CA6: variants seen among roughly 807,000 people sequenced by gnomAD.
CA6 encodes carbonic anhydrase 6, also known as carbonate dehydratase VI.
Under a neutral mutation model 35.9 loss-of-function variants are expected in CA6, and 28 were observed. That is an observed-to-expected ratio of 0.78 (90% CI 0.58 to 1.07). CA6 has a LOEUF of 1.07. CA6 is among the 50% of genes least tolerant of loss of function. CA6 has a pLI of 0.00. For missense variants in CA6, 377 were observed against 382.0 expected (o/e 0.99, Z 0.11); for synonymous variants, 148 against 152.6 (o/e 0.97, Z 0.22).
chr1:8,949,622 TC>T (rs1639471639), intron 2 of CA6, among the ~76,000 whole-genome samples, 180 bp downstream of exon 2: 2 of 152,020 alleles, frequency 1.3e-5, no homozygotes, highest in East Asian at 3.9e-4. Flanking sequence ...TAGTGGCTCT[TC>T]CAGAGAGGGC....
In CA6 at chr1:8,948,762, G is replaced by C. The variant is rs554333064; in HGVS notation, c.80-501G>C. Among the ~76,000 whole-genome samples the C allele has an allele frequency of 3.3e-5, 5 of 152,226 alleles. No homozygotes were observed. The East Asian group carries it at 9.6e-4, about 29-fold the overall frequency. Reference sequence around the variant, plus strand: ...AGGTGGGTGGATCACCTGAGGTCAGGAGTTAGAGATCAGCCTGGCCAACAT... The same window carrying C: ...AGGTGGGTGGATCACCTGAGGTCAGCAGTTAGAGATCAGCCTGGCCAACAT... On this transcript the variant is annotated intron_variant, in intron 1 of 7. Coordinates refer to ENST00000377443, the MANE Select transcript of CA6 (RefSeq NM_001215.4).
chr1:8,974,529 C>T (rs369632657), intron 7 of CA6, 93 bp from the exon 8 acceptor site: 42 of 1,415,638 alleles, frequency 3.0e-5, no homozygotes, highest in Non-Finnish European at 4.1e-5. Flanking sequence ...CCCAAAAATA[C>T]GATGCGGGTA....
rs370385325 is a variant in CA6, at chr1:8,956,091, C to A, written c.260-1046C>A. On this transcript the variant is annotated intron_variant, in intron 2 of 7. Transcript: ENST00000377443. ...TACAAAAATTAGCCGGGCATGGTGGCATATGCCTGTAATCCCAGCTACTGG... is the reference window on the plus strand; with the variant it reads ...TACAAAAATTAGCCGGGCATGGTGGAATATGCCTGTAATCCCAGCTACTGG... Among the ~76,000 whole-genome samples, 56 of 152,116 alleles carry A rather than the reference C, an allele frequency of 3.7e-4. No homozygotes were observed. In the East Asian group the frequency reaches 8.4e-3, roughly 23 times the overall value.
At chr1:8,970,656 A>C (rs1640085216) in intron 6 of CA6, among the ~76,000 whole-genome samples, 3 of 151,946 alleles carry the variant, frequency 2.0e-5, no homozygotes, top group Admixed American at 2.0e-4. Flanking sequence ...TTACAGGTGC[A>C]CACAACCATG....
At position 8,957,173 on chromosome 1, in the gene CA6, T is replaced by G. The variant is rs1248874081; in HGVS notation, c.296T>G (p.Val99Gly). Residue 99 changes from valine to glycine, a missense_variant, in exon 3 of 8, where the codon GTG becomes GGG. Transcript: ENST00000377443. ...CTGCCCTCCACCATGCGCATGACAG[T>G]GGCTGACGGCACTGTATACATAGCC... ...ISLPSTMRMT[V>G]ADGTVYIAQQ... is the part of the protein sequence containing the mutation. 1 of 1,613,484 alleles carries G rather than the reference T, an allele frequency of 6.2e-7. No individual in the cohort carries two copies. Among genetic ancestry groups the G allele is most frequent in the Non-Finnish European group, 8.5e-7 (1 of 1,179,712 alleles).
chr1:8,965,511 T>C (rs1639946028), intron 5 of CA6, among the ~76,000 whole-genome samples: 1 of 152,192 alleles, frequency 6.6e-6, no homozygotes, highest in South Asian at 2.1e-4. Context: ...TTGTCTTTTT[T>C]TTTGGTCTGG....
chr1:8,973,222 G>C (rs1459146859), intron 7 of CA6, among the ~76,000 whole-genome samples: 1 of 152,276 alleles, frequency 6.6e-6, no homozygotes, highest in South Asian at 2.1e-4. Context: ...ATTTCACCAT[G>C]TTGGTTAGGC....
intron 5 of CA6, 118 bp from the exon 6 acceptor site, chr1:8,967,541 G>T: frequency 2.6e-6 from 2 of 754,954 alleles, no homozygotes; most frequent in Non-Finnish European, 4.4e-6. Context: ...TTAATCATCA[G>T]CTTCTATGTT....
intron 2 of CA6, chr1:8,951,331 G>A: frequency 1.6e-6 from 1 of 636,334 alleles, no homozygotes; most frequent in Non-Finnish European, 2.8e-6. Flanking sequence ...TATGTGGCCA[G>A]GAGCCCTGAA....
chr1:8,953,308 G>A (rs1639588723), intron 2 of CA6, among the ~76,000 whole-genome samples: 1 of 152,110 alleles, frequency 6.6e-6, no homozygotes, highest in Non-Finnish European at 1.5e-5. Flanking sequence ...AGTTTTGGCA[G>A]TTATGAATAA....
chr1:8,971,350 C>T (rs1640105956), intron 7 of CA6, among the ~76,000 whole-genome samples: 2 of 146,150 alleles, frequency 1.4e-5, no homozygotes, highest in Non-Finnish European at 3.0e-5. Context: ...CTCACTCTGT[C>T]ACCCAGGCTG....
rs1477279363 is a variant in CA6, at chr1:8,973,773, T to TTTC, written c.845-846_845-844dup. Among the ~76,000 whole-genome samples the TTTC allele has an allele frequency of 9.8e-3, 374 of 38,224 alleles. 8 individuals carry two copies. Among genetic ancestry groups the TTTC allele is most frequent in the African/African-American group, 0.051 (358 of 7,012 alleles). The allele number at this position is 38,224 out of a possible 152,430, so 25.1% of individuals were successfully genotyped here. A position where few individuals can be genotyped will look rare whatever the true frequency, so the allele number is the denominator to read the frequency against. ...CTTTCTTTCTTTCTTTCTTTCTTTC[T>TTTC]TTCTTTCTTTCTTTTCCCTCCCTCC... is the stretch of plus-strand genomic sequence containing the variant. On this transcript the variant is annotated intron_variant, in intron 7 of 7. Coordinates refer to ENST00000377443, the MANE Select transcript of CA6 (RefSeq NM_001215.4).
At chr1:8,962,252 A>AAC (rs201533153) in intron 4 of CA6, among the ~76,000 whole-genome samples, 3 of 147,882 alleles carry the variant, frequency 2.0e-5, no homozygotes, top group Admixed American at 6.7e-5. Flanking sequence ...AAAAAAAAAA[A>AAC]CTCACAAACA....
intron 7 of CA6, chr1:8,974,230 G>A (rs903220489): frequency 4.7e-6 from 3 of 633,102 alleles, no homozygotes; most frequent in Non-Finnish European, 7.9e-6. Flanking sequence ...GGGTTGATAT[G>A]ATTAACCCAC....
chr1:8,970,161 G>T (rs796946991), intron 6 of CA6, among the ~76,000 whole-genome samples: 4 of 144,428 alleles, frequency 2.8e-5, no homozygotes, highest in African/African-American at 1.0e-4. Flanking sequence ...AGCCGCAATC[G>T]CGTCACTGCA....
At chr1:8,956,054 C>T (rs556637045) in intron 2 of CA6, among the ~76,000 whole-genome samples, 154 of 149,332 alleles carry the variant, frequency 1.0e-3, no homozygotes, top group African/African-American at 3.8e-3. Context: ...GAAACCCTGT[C>T]TCTACTAAAA....
At chr1:8,967,012 G>T (rs757696576) in intron 5 of CA6, among the ~76,000 whole-genome samples, 1 of 151,960 alleles carries the variant, frequency 6.6e-6, no homozygotes, top group Non-Finnish European at 1.5e-5. Context: ...TTGTAGAGAC[G>T]GGGCCTCCCT....
rs60721760 is a variant in CA6 at position 8,956,666 on chromosome 1, G to GA, written c.260-463dup. ...CCAGCCTGAGCAACAGAGTGAGCATGAAAAAAAACAAAGAAAAGAAAACAG... is the reference window on the plus strand; with the variant it reads ...CCAGCCTGAGCAACAGAGTGAGCATGAAAAAAAAACAAAGAAAAGAAAACAG... On this transcript the variant is annotated intron_variant, in intron 2 of 7. Transcript: ENST00000377443. 3.7e-3 allele frequency among the ~76,000 whole-genome samples: 567 copies of GA among 151,852 alleles called. 12 individuals carry two copies. Among genetic ancestry groups the GA allele is most frequent in the East Asian group, 0.034 (176 of 5,162 alleles).
intron 7 of CA6, 99 bp downstream of exon 7, chr1:8,971,080 G>A (rs1640098622): frequency 1.2e-6 from 1 of 841,320 alleles, no homozygotes; most frequent in African/African-American, 1.7e-5. Flanking sequence ...AAGGGAAGGA[G>A]AGTCATTTCA....
Sources: allele counts gnomAD v4.1 joint callset (sites outside exome capture counted in the v4.1 genomes callset), GRCh38; gene constraint gnomAD v4.1.1; transcripts MANE v1.5; gene names NCBI Gene and HGNC (gene_info 2026-07-23, HGNC 2026-07-21).